ZNRF1: variants seen among roughly 807,000 people sequenced by gnomAD.
ZNRF1 encodes E3 ubiquitin-protein ligase ZNRF1.
A neutral mutation model predicts 18.4 loss-of-function variants in ZNRF1; 3 were observed. The ratio of observed to expected loss-of-function variants is 0.16; its 90% CI spans 0.07 to 0.42. The LOEUF is 0.42. Among genes scored for constraint, ZNRF1 ranks in the 10% least tolerant of loss-of-function variants. The pLI, the probability that ZNRF1 is intolerant of heterozygous loss-of-function variation, is 0.99. For missense variants in ZNRF1, 310 were observed against 329.8 expected (o/e 0.94, Z 0.47); for synonymous variants, 157 against 144.2 (o/e 1.09, Z -0.64).
At chr16:75,010,711 G>GTTTTTGTTTTTT (rs2034986440) in intron 1 of ZNRF1, among the ~76,000 whole-genome samples, 7 of 74,324 alleles carry the variant, frequency 9.4e-5, no homozygotes, top group Admixed American at 1.6e-4. Context: ...GTTTTTTTTT[G>GTTTTTGTTTTTT]TTTTTTTGTT....
intron 1 of ZNRF1, among the ~76,000 whole-genome samples, chr16:75,065,682 T>G (rs188293944): frequency 1.3e-5 from 2 of 152,368 alleles, no homozygotes; most frequent in Admixed American, 1.3e-4. Context: ...TCCTTCCTTA[T>G]GCTTATGCAA....
intron 1 of ZNRF1, among the ~76,000 whole-genome samples, chr16:75,004,312 C>T (rs961319066): frequency 1.3e-5 from 2 of 152,158 alleles, no homozygotes; most frequent in Non-Finnish European, 2.9e-5. Context: ...AAAAGTTTTG[C>T]TATAACTCCT....
intron 1 of ZNRF1, among the ~76,000 whole-genome samples, chr16:75,053,304 A>G (rs533536277): frequency 6.6e-6 from 1 of 152,230 alleles, no homozygotes; most frequent in South Asian, 2.1e-4. Flanking sequence ...AAAAATCGCC[A>G]ATGGCTGGGT....
intron 1 of ZNRF1, among the ~76,000 whole-genome samples, chr16:75,049,371 A>G (rs1055397031): frequency 1.3e-4 from 20 of 151,972 alleles, no homozygotes; most frequent in Non-Finnish European, 1.9e-4. Context: ...TCTGTTGCCC[A>G]GGCTGGGTGC....
At chr16:75,095,846 G>T (rs958174563) in intron 2 of ZNRF1, 1 of 1,229,464 alleles carries the variant, frequency 8.1e-7, no homozygotes, top group Non-Finnish European at 1.1e-6. Context: ...GCCTGGCGCT[G>T]TTGGTTTACC....
At chr16:75,070,192 G>A (rs2035853020) in intron 1 of ZNRF1, among the ~76,000 whole-genome samples, 1 of 152,124 alleles carries the variant, frequency 6.6e-6, no homozygotes, top group Non-Finnish European at 1.5e-5. Flanking sequence ...GGCCCATTGG[G>A]CAGCCAGCCC....
chr16:75,029,804 G>A (rs2035276596), intron 1 of ZNRF1, among the ~76,000 whole-genome samples: 1 of 151,664 alleles, frequency 6.6e-6, no homozygotes, highest in Non-Finnish European at 1.5e-5. Flanking sequence ...GAGGCTGGGT[G>A]TGGGCTGATC....
chr16:75,010,270 A>G (rs1259213905), intron 1 of ZNRF1, among the ~76,000 whole-genome samples: 1 of 152,198 alleles, frequency 6.6e-6, no homozygotes. Flanking sequence ...GGTGTGAGCC[A>G]CCACACCCGG....
intron 1 of ZNRF1, among the ~76,000 whole-genome samples, chr16:75,036,384 G>A (rs12597727): frequency 6.6e-6 from 1 of 152,116 alleles, no homozygotes; most frequent in African/African-American, 2.4e-5. Context: ...TCCTGTCTCA[G>A]CCTCCCAAAG....
At chr16:75,011,873 C>T (rs2035004566) in intron 1 of ZNRF1, among the ~76,000 whole-genome samples, 1 of 152,178 alleles carries the variant, frequency 6.6e-6, no homozygotes, top group South Asian at 2.1e-4. Context: ...TAGGAATCTC[C>T]TATGAAGTGG....
chr16:75,086,408 G>A (rs191262458), intron 1 of ZNRF1, among the ~76,000 whole-genome samples: 1 of 152,348 alleles, frequency 6.6e-6, no homozygotes, highest in African/African-American at 2.4e-5. Flanking sequence ...GTCCAGAAGA[G>A]AGGTTTTCGA....
At chr16:75,091,480 T>C (rs1425977258) in intron 1 of ZNRF1, among the ~76,000 whole-genome samples, 1 of 151,990 alleles carries the variant, frequency 6.6e-6, no homozygotes, top group Non-Finnish European at 1.5e-5. Context: ...TAGTGAACTC[T>C]TGAACTACGT....
chr16:75,105,917 A>T (rs1245290579), intron 3 of ZNRF1: 1 of 152,630 alleles, frequency 6.6e-6, no homozygotes, highest in African/African-American at 2.4e-5. Context: ...CTCTTGCAGG[A>T]AGGACTAGAT....
chr16:75,084,002 A>G (rs930454833), intron 1 of ZNRF1, among the ~76,000 whole-genome samples: 2 of 152,354 alleles, frequency 1.3e-5, no homozygotes, highest in African/African-American at 2.4e-5. Flanking sequence ...TGCTGCATAC[A>G]GTGCAGGTCA....
chr16:75,097,477 C>T (rs2036212681), intron 2 of ZNRF1, among the ~76,000 whole-genome samples: 1 of 152,148 alleles, frequency 6.6e-6, no homozygotes, highest in African/African-American at 2.4e-5. Context: ...CTGCCAAAGG[C>T]CATTGCCCCC....
intron 1 of ZNRF1, among the ~76,000 whole-genome samples, chr16:75,052,796 T>G (rs1037763812): frequency 6.6e-6 from 1 of 152,210 alleles, no homozygotes; most frequent in Admixed American, 6.5e-5. Context: ...CTTCCCTCCA[T>G]CGATCTGTCT....
intron 1 of ZNRF1, among the ~76,000 whole-genome samples, chr16:75,048,175 T>C (rs989737103): frequency 6.6e-6 from 1 of 152,170 alleles, no homozygotes; most frequent in African/African-American, 2.4e-5. Flanking sequence ...CATCTCAAAC[T>C]CCTGGACTCA....
At chr16:75,013,396 G>C (rs1215292216) in intron 1 of ZNRF1, among the ~76,000 whole-genome samples, 2 of 151,802 alleles carry the variant, frequency 1.3e-5, no homozygotes, top group Non-Finnish European at 2.9e-5. Context: ...CGCCAGGCTG[G>C]AGTGCAGTGG....
chr16:75,040,598 G>GTTTTTTTTTTTTTTTTTTTTT (rs61513153), intron 1 of ZNRF1, among the ~76,000 whole-genome samples: 1 of 46,354 alleles, frequency 2.2e-5, no homozygotes, highest in African/African-American at 8.0e-5. Flanking sequence ...TTTTTTGTGG[G>GTTTTTTTTTTTTTTTTTTTTT]TTTTTTTTTT....
Sources: gnomAD v4.1 joint callset for allele counts (sites outside exome capture counted in the v4.1 genomes callset) on GRCh38, gnomAD v4.1.1 for gene constraint, MANE v1.5 for transcripts, NCBI Gene and HGNC (gene_info 2026-07-23, HGNC 2026-07-21) for gene names.